Variants in STAU2 observed in about 807,000 individuals in gnomAD.
STAU2 encodes double-stranded RNA-binding protein Staufen homolog 2.
Under a neutral mutation model 65.9 loss-of-function variants are expected in STAU2, and 20 were observed. The ratio of observed to expected loss-of-function variants is 0.30; its 90% CI spans 0.21 to 0.44. STAU2 has a LOEUF of 0.44. Among genes scored for constraint, STAU2 ranks in the 20% least tolerant of loss-of-function variants. The pLI, the probability that STAU2 is intolerant of heterozygous loss-of-function variation, is 1.00. For missense variants in STAU2, 558 were observed against 683.9 expected (o/e 0.82, Z 2.05); for synonymous variants, 232 against 233.9 (o/e 0.99, Z 0.07).
chr8:73,625,084 T>G (rs1813538012), intron 6 of STAU2, among the ~76,000 whole-genome samples: 2 of 151,992 alleles, frequency 1.3e-5, no homozygotes. Flanking sequence ...CATAAAGACA[T>G]GGCAAATTGG....
At chr8:73,651,145 C>A in intron 6 of STAU2, 1 of 1,278,826 alleles carries the variant, frequency 7.8e-7, no homozygotes, top group Non-Finnish European at 1.1e-6. Flanking sequence ...CCTGGGGAGC[C>A]TCCCTGGCCC....
intron 13 of STAU2, among the ~76,000 whole-genome samples, chr8:73,479,565 T>G (rs1452704525): frequency 6.6e-6 from 1 of 151,412 alleles, no homozygotes; most frequent in Admixed American, 6.6e-5. Context: ...AATGAATGTT[T>G]AACATTAAAA....
chr8:73,434,466 C>T (rs1379141726), intron 13 of STAU2, among the ~76,000 whole-genome samples: 1 of 151,880 alleles, frequency 6.6e-6, no homozygotes, highest in Admixed American at 6.5e-5. Flanking sequence ...CTCTCCCTGT[C>T]ACCTGAACAA....
intron 6 of STAU2, among the ~76,000 whole-genome samples, chr8:73,649,598 G>A (rs1048838967): frequency 1.1e-4 from 16 of 152,020 alleles, no homozygotes; most frequent in Admixed American, 3.3e-4. Context: ...AAAAGGAACT[G>A]TCAAGTAACT....
intron 6 of STAU2, among the ~76,000 whole-genome samples, chr8:73,624,594 T>C (rs1813500967): frequency 6.6e-6 from 1 of 152,206 alleles, no homozygotes; most frequent in Admixed American, 6.5e-5. Flanking sequence ...AATAGAGATA[T>C]TCACTAACCT....
intron 11 of STAU2, among the ~76,000 whole-genome samples, chr8:73,594,238 C>G (rs752885793): frequency 6.6e-6 from 1 of 152,106 alleles, no homozygotes; most frequent in Non-Finnish European, 1.5e-5. Flanking sequence ...ATTGAAATCT[C>G]TAGCAATAAT....
chr8:73,591,646 A>G (rs896996776), intron 11 of STAU2, among the ~76,000 whole-genome samples: 13 of 152,208 alleles, frequency 8.5e-5, no homozygotes, highest in Admixed American at 8.5e-4. Context: ...CAACAAAGAC[A>G]CAACACTAAC....
chr8:73,482,792 C>A (rs979236945), intron 13 of STAU2, among the ~76,000 whole-genome samples: 1 of 151,992 alleles, frequency 6.6e-6, no homozygotes, highest in African/African-American at 2.4e-5. Context: ...TGAAAACACT[C>A]AAAAATAACA....
chr8:73,549,864 C>T (rs1807199267), intron 13 of STAU2: 1 of 985,490 alleles, frequency 1.0e-6, no homozygotes, highest in African/African-American at 1.7e-5. Flanking sequence ...CAAGCTGGTC[C>T]TGTAATTTCT....
chr8:73,641,174 C>A (rs1334123293), intron 6 of STAU2, among the ~76,000 whole-genome samples: 2 of 151,984 alleles, frequency 1.3e-5, no homozygotes, highest in Non-Finnish European at 2.9e-5. Flanking sequence ...ATGGTGAAAC[C>A]TCGTCTCTAC....
chr8:73,567,153 A>C (rs1191882245), intron 12 of STAU2, among the ~76,000 whole-genome samples: 1 of 152,182 alleles, frequency 6.6e-6, no homozygotes, highest in Non-Finnish European at 1.5e-5. Context: ...CAATTCTTGC[A>C]TTTGCTCAAA....
chr8:73,428,627 AAAC>A (rs1289036546), intron 13 of STAU2, among the ~76,000 whole-genome samples: 2 of 152,216 alleles, frequency 1.3e-5, no homozygotes, highest in Non-Finnish European at 2.9e-5. Flanking sequence ...AGCAAGGGCA[AAAC>A]AACAACTAAA....
chr8:73,487,553 G>A (rs1393858621), intron 13 of STAU2, among the ~76,000 whole-genome samples: 1 of 152,066 alleles, frequency 6.6e-6, no homozygotes, highest in African/African-American at 2.4e-5. Context: ...GAGATCTTCT[G>A]GTTTGTTTGT....
At chr8:73,473,561 C>T (rs190003149) in intron 13 of STAU2, among the ~76,000 whole-genome samples, 3 of 152,256 alleles carry the variant, frequency 2.0e-5, no homozygotes, top group African/African-American at 7.2e-5. Context: ...GCGATGAAGC[C>T]AGAGGGCTGT....
chr8:73,674,465 T>A (rs1054587505), intron 5 of STAU2, among the ~76,000 whole-genome samples: 13 of 151,792 alleles, frequency 8.6e-5, no homozygotes, highest in Non-Finnish European at 1.9e-4. Flanking sequence ...CAAAATTAAA[T>A]AAAAATGGAG....
chr8:73,491,818 C>T (rs1821166662), intron 13 of STAU2, among the ~76,000 whole-genome samples: 1 of 151,892 alleles, frequency 6.6e-6, no homozygotes, highest in African/African-American at 2.4e-5. Flanking sequence ...TGTGTTCGGA[C>T]TAGAACTTCC....
chr8:73,457,184 G>A (rs4738364), intron 13 of STAU2, among the ~76,000 whole-genome samples: 116,694 of 151,908 alleles, frequency 0.77, 45,631 homozygotes, highest in East Asian at 0.96. Context: ...GGAAAATGGC[G>A]AGAATACTAA....
chr8:73,517,776 C>G (rs1822822058), intron 13 of STAU2, among the ~76,000 whole-genome samples: 1 of 152,002 alleles, frequency 6.6e-6, no homozygotes, highest in Admixed American at 6.6e-5. Flanking sequence ...AAGTTCGTGG[C>G]CTTTGACTCT....
chr8:73,571,504 A>T (rs924312942), intron 12 of STAU2, among the ~76,000 whole-genome samples: 1 of 152,192 alleles, frequency 6.6e-6, no homozygotes, highest in Non-Finnish European at 1.5e-5. Flanking sequence ...GAAGTAAAGC[A>T]CTCCTCAGCA....
Sources: allele counts gnomAD v4.1 joint callset (sites outside exome capture counted in the v4.1 genomes callset), GRCh38; gene constraint gnomAD v4.1.1; transcripts MANE v1.5; gene names NCBI Gene and HGNC (gene_info 2026-07-23, HGNC 2026-07-21).